The following SCRG1 variants were observed in gnomAD, a reference collection of about 807,000 sequenced individuals.
SCRG1 encodes scrapie-responsive protein 1.
A neutral mutation model predicts 7.7 loss-of-function variants in SCRG1; 3 were observed. The observed-to-expected ratio is 0.39, with a 90% CI of 0.18 to 1.01. The LOEUF (loss-of-function observed/expected upper bound fraction) is 1.01, where lower values mean the gene tolerates loss of function less well. Among genes scored for constraint, SCRG1 ranks in the 50% least tolerant of loss-of-function variants. SCRG1 has a pLI of 0.36. For missense variants in SCRG1, 110 were observed against 117.2 expected, an observed-to-expected ratio of 0.94 and a Z score of 0.28; for synonymous variants, 46 against 41.2, an observed-to-expected ratio of 1.12 and a Z score of -0.44.
chr4:173,502,194 T>C, the SCRG1 span, among the ~76,000 whole-genome samples: 2 of 151,710 alleles, frequency 1.3e-5, no homozygotes, highest in Non-Finnish European at 2.9e-5. The surrounding 1 kb of genome is among the most constrained non-coding windows in gnomAD (Gnocchi z 4.6). Context: ...AGGAAGAGAT[T>C]TGGAATTCCC....
chr4:173,473,939 G>C, the SCRG1 span, among the ~76,000 whole-genome samples: 1 of 152,198 alleles, frequency 6.6e-6, no homozygotes, highest in African/African-American at 2.4e-5. Context: ...CAGCATTTTG[G>C]GAGGCTGAGG....
the SCRG1 span, among the ~76,000 whole-genome samples, chr4:173,424,007 A>G: frequency 6.6e-6 from 1 of 152,226 alleles, no homozygotes; most frequent in African/African-American, 2.4e-5. Context: ...TCCCCCAACA[A>G]CAGCATAAAT....
At chr4:173,450,913 TACTTGGTGTCCAAGAAAGAAC>T in the SCRG1 span, among the ~76,000 whole-genome samples, 1 of 152,066 alleles carries the variant, frequency 6.6e-6, no homozygotes, top group East Asian at 1.9e-4. Context: ...AGCAAAGGGA[TACTTGGTGTCCAAGAAAGAAC>T]ACCCAACCAG....
chr4:173,443,968 TGTG>T, the SCRG1 span, among the ~76,000 whole-genome samples: 1 of 151,408 alleles, frequency 6.6e-6, no homozygotes. Context: ...TGTGTGTGTG[TGTG>T]TGTGTGTGTG....
chr4:173,508,455 C>T, the SCRG1 span, among the ~76,000 whole-genome samples: 1 of 152,176 alleles, frequency 6.6e-6, no homozygotes, highest in Admixed American at 6.5e-5. This position sits in a 1 kb window ranked among gnomAD's most constrained non-coding sequence, Gnocchi z 4.4. Flanking sequence ...GCACGCCCCA[C>T]CACCGCCAAC....
chr4:173,421,689 C>T, the SCRG1 span, among the ~76,000 whole-genome samples: 3 of 152,100 alleles, frequency 2.0e-5, no homozygotes, highest in African/African-American at 7.2e-5. Context: ...ATGTAAGATG[C>T]CATATTTGAA....
chr4:173,442,525 G>A, the SCRG1 span, among the ~76,000 whole-genome samples: 8 of 152,318 alleles, frequency 5.3e-5, no homozygotes, highest in East Asian at 1.5e-3. Context: ...AGTGTTCTGA[G>A]GAGTCCTGTA....
chr4:173,498,365 G>A, the SCRG1 span, among the ~76,000 whole-genome samples: 1 of 152,194 alleles, frequency 6.6e-6, no homozygotes, highest in Non-Finnish European at 1.5e-5. Context: ...GGTAAGGACT[G>A]CAGATGTTGG....
upstream of SCRG1, among the ~76,000 whole-genome samples, chr4:173,400,410 A>C (rs1322133701): frequency 6.6e-6 from 1 of 152,218 alleles, no homozygotes; most frequent in Non-Finnish European, 1.5e-5. Context: ...GAGTGGGAAA[A>C]TAGAAATGAG....
chr4:173,481,203 A>T, the SCRG1 span, among the ~76,000 whole-genome samples: 2 of 152,174 alleles, frequency 1.3e-5, no homozygotes, highest in Admixed American at 6.5e-5. Context: ...ATCTTATGAG[A>T]TACAAACAAA....
the SCRG1 span, among the ~76,000 whole-genome samples, chr4:173,439,511 T>A: frequency 8.3e-5 from 1 of 12,048 alleles, no homozygotes. Context: ...AGAGACCCTG[T>A]TTAAAAAAAA....
intron 1 of SCRG1, among the ~76,000 whole-genome samples, chr4:173,396,981 A>T (rs1739624206): frequency 6.6e-6 from 1 of 152,116 alleles, no homozygotes. Flanking sequence ...TGAACCGCGG[A>T]GGCAGAGGTT....
At chr4:173,501,877 C>T in the SCRG1 span, among the ~76,000 whole-genome samples, 2 of 152,162 alleles carry the variant, frequency 1.3e-5, no homozygotes, top group African/African-American at 4.8e-5. The surrounding 1 kb of genome is among the most constrained non-coding windows in gnomAD (Gnocchi z 5.1). Context: ...AAACAATTGC[C>T]CCTTCTCCTT....
chr4:173,398,216 T>G (rs1199052581), intron 1 of SCRG1: 1 of 152,190 alleles, frequency 6.6e-6, no homozygotes, highest in Non-Finnish European at 1.5e-5. Flanking sequence ...AATAAGCTGC[T>G]TAAAGATCCT....
chr4:173,516,462 G>T, the SCRG1 span, among the ~76,000 whole-genome samples: 871 of 152,294 alleles, frequency 5.7e-3, 9 homozygotes, highest in African/African-American at 0.02. Context: ...GAAAGCACTG[G>T]TATCAAGGAC....
chr4:173,432,545 C>T, the SCRG1 span, among the ~76,000 whole-genome samples: 4 of 151,944 alleles, frequency 2.6e-5, no homozygotes, highest in South Asian at 2.1e-4. Context: ...ACCCATTCGC[C>T]GGTATCTGCT....
the SCRG1 span, among the ~76,000 whole-genome samples, chr4:173,488,134 T>TAAAC: frequency 7.8e-6 from 1 of 128,732 alleles, no homozygotes. Flanking sequence ...AATAAATAAA[T>TAAAC]TTAAAAAATG....
At chr4:173,411,848 A>G in the SCRG1 span, among the ~76,000 whole-genome samples, 1 of 152,278 alleles carries the variant, frequency 6.6e-6, no homozygotes, top group Middle Eastern at 3.4e-3. Context: ...AATGCTTCCA[A>G]TGGCTTCTCC....
chr4:173,429,056 A>G, the SCRG1 span, among the ~76,000 whole-genome samples: 1 of 152,216 alleles, frequency 6.6e-6, no homozygotes, highest in Non-Finnish European at 1.5e-5. Context: ...TAAAGACATG[A>G]TCTTGTAATG....
Sources: gnomAD v4.1 joint callset for allele counts (sites outside exome capture counted in the v4.1 genomes callset) on GRCh38, gnomAD v4.1.1 for gene constraint, Gnocchi (gnomAD v3.1) non-coding constraint, MANE v1.5 for transcripts, NCBI Gene and HGNC (gene_info 2026-07-23, HGNC 2026-07-21) for gene names.